OPCML: variants seen among roughly 807,000 people sequenced by gnomAD.
The protein encoded by OPCML is opioid-binding protein/cell adhesion molecule.
A neutral mutation model predicts 37.8 loss-of-function variants in OPCML; 13 were observed. The observed-to-expected ratio is 0.34, with a 90% CI of 0.22 to 0.55. The LOEUF (loss-of-function observed/expected upper bound fraction) is 0.55. OPCML is among the 20% of genes least tolerant of loss of function. The pLI is 0.91. For synonymous variants in OPCML, 176 were observed against 168.8 expected (o/e 1.04, Z -0.33); for missense variants, 341 against 435.6 (o/e 0.78, Z 1.93).
At chr11:132,819,837 G>T (rs775322089) in intron 2 of OPCML, among the ~76,000 whole-genome samples, 1 of 152,078 alleles carries the variant, frequency 6.6e-6, no homozygotes, top group East Asian at 1.9e-4. Flanking sequence ...CAAACAGCTC[G>T]CTAAAAAACA....
chr11:132,711,486 A>G (rs566442660), intron 2 of OPCML, among the ~76,000 whole-genome samples: 19 of 152,316 alleles, frequency 1.2e-4, no homozygotes, highest in African/African-American at 4.1e-4. Flanking sequence ...TTTGATTCTC[A>G]CACTTGCCCC....
chr11:133,146,808 C>T (rs984305816), intron 1 of OPCML, among the ~76,000 whole-genome samples: 1 of 152,198 alleles, frequency 6.6e-6, no homozygotes, highest in Non-Finnish European at 1.5e-5. Flanking sequence ...GGGAACTCCC[C>T]CCAGCACAGG....
intron 3 of OPCML, among the ~76,000 whole-genome samples, chr11:132,540,365 T>C (rs2096353159): frequency 6.6e-6 from 1 of 152,194 alleles, no homozygotes; most frequent in African/African-American, 2.4e-5. Context: ...ATCTGGTAGG[T>C]GCTCAATCAA....
At position 132,796,000 on chromosome 11, in the gene OPCML, T is replaced by C. The variant is rs563070127; in HGVS notation, c.147-138681A>G. Among the ~76,000 whole-genome samples the C allele has an allele frequency of 9.8e-5, 15 of 152,350 alleles. No individual in the cohort carries two copies. The South Asian group carries it at 2.7e-3, about 27-fold the overall frequency. ...CATGTACAGACTTATTTTCTTGTCA[T>C]AGGTCCCTAAACAATACAGTTTATA... On this transcript the variant is annotated intron_variant, in intron 2 of 7. Coordinates refer to ENST00000524381, the MANE Select transcript of OPCML (RefSeq NM_001012393.5).
chr11:132,790,157 C>T (rs1937799557), intron 2 of OPCML, among the ~76,000 whole-genome samples: 1 of 152,152 alleles, frequency 6.6e-6, no homozygotes, highest in African/African-American at 2.4e-5. Flanking sequence ...TTCGTTGCAG[C>T]ACTATCCACA....
chr11:133,112,285 C>CAAAA (rs370146450), intron 1 of OPCML, among the ~76,000 whole-genome samples: 1,616 of 48,912 alleles, frequency 0.033, 53 homozygotes, highest in Non-Finnish European at 0.044. Context: ...GACTCTTGGC[C>CAAAA]AAAAAAAAAA....
chr11:133,301,372 T>G (rs375749273), intron 1 of OPCML: 39 of 152,318 alleles, frequency 2.6e-4, no homozygotes, highest in African/African-American at 9.1e-4. Context: ...AAGGAATTAC[T>G]TTGGTGGCTG....
chr11:133,358,975 T>A (rs1182861080), intron 1 of OPCML, among the ~76,000 whole-genome samples: 1 of 151,170 alleles, frequency 6.6e-6, no homozygotes, highest in Non-Finnish European at 1.5e-5. Context: ...CCAGGGGTGA[T>A]AGGAGATGAG....
chr11:133,007,355 G>C, intron 1 of OPCML: 1 of 985,422 alleles, frequency 1.0e-6, no homozygotes, highest in Non-Finnish European at 1.2e-6. Flanking sequence ...TCCCTTATCT[G>C]TGTGATTAGC....
At position 132,977,331 on chromosome 11, in the gene OPCML, C is replaced by CCT. The variant is rs1292067059; in HGVS notation, c.62-34323_62-34322dup. 3.9e-5 allele frequency among the ~76,000 whole-genome samples: 6 copies of CCT among 152,042 alleles called. No individual in the cohort carries two copies. The East Asian group carries it at 9.7e-4, about 24-fold the overall frequency. On this transcript the variant is annotated intron_variant, in intron 1 of 7. Transcript: ENST00000524381. ...GCCCTGGGCTCCTAAGGAAGGTCTA[C>CCT]CTCTCTCTCTCTGCTGGATCTCTCA...
chr11:132,654,708 T>C (rs1234685296), intron 3 of OPCML, among the ~76,000 whole-genome samples: 3 of 149,876 alleles, frequency 2.0e-5, no homozygotes, highest in Admixed American at 1.3e-4. Context: ...CAAAAGAAGA[T>C]CTTCCCCAAG....
At chr11:132,505,905 C>A (rs1457262710) in intron 4 of OPCML, among the ~76,000 whole-genome samples, 3 of 149,832 alleles carry the variant, frequency 2.0e-5, no homozygotes, top group East Asian at 1.9e-4. Context: ...AAAAAAAAAT[C>A]TATGTGTGTG....
In OPCML at chr11:133,117,918, A is replaced by C. The variant is rs1949361140; in HGVS notation, c.62-174908T>G. On this transcript the variant is annotated intron_variant, in intron 1 of 7. Transcript: ENST00000524381. ...TGAAGTCTTCAAATAATATTCAAAA[A>C]GATGTTTCCAGAAGGGAATGGGGGC... is the stretch of plus-strand genomic sequence containing the variant. 8 of 985,372 alleles carry C rather than the reference A, an allele frequency of 8.1e-6. No individual in the cohort carries two copies. In the South Asian group the frequency reaches 3.8e-4, roughly 46 times the overall value. 61.0% of individuals were successfully genotyped at this position (985,372 alleles called of 1,614,324 possible).
At chr11:132,716,545 T>G (rs898874164) in intron 2 of OPCML, among the ~76,000 whole-genome samples, 4 of 152,226 alleles carry the variant, frequency 2.6e-5, no homozygotes, top group African/African-American at 4.8e-5. Flanking sequence ...AAGGATTATA[T>G]GTGAATAAAA....
intron 1 of OPCML, among the ~76,000 whole-genome samples, chr11:132,964,636 T>C (rs1294206696): frequency 2.0e-5 from 3 of 152,108 alleles, no homozygotes; most frequent in African/African-American, 7.2e-5. Flanking sequence ...ATCCTACCGC[T>C]TCCTCCTGCC....
intron 3 of OPCML, among the ~76,000 whole-genome samples, chr11:132,545,361 G>T (rs1218357897): frequency 6.6e-6 from 1 of 152,178 alleles, no homozygotes; most frequent in African/African-American, 2.4e-5. Context: ...TGACAGGTTT[G>T]ATGGAGAACA....
chr11:133,135,844 G>A (rs1313169452), intron 1 of OPCML, among the ~76,000 whole-genome samples: 1 of 152,088 alleles, frequency 6.6e-6, no homozygotes. Context: ...ATTTTATTTA[G>A]GAAAGGACAT....
chr11:132,640,648 T>C (rs1007654753), intron 3 of OPCML, among the ~76,000 whole-genome samples: 2 of 152,210 alleles, frequency 1.3e-5, no homozygotes, highest in Non-Finnish European at 2.9e-5. Flanking sequence ...AGGGAAAGAC[T>C]TTGTTCCCAT....
intron 1 of OPCML, among the ~76,000 whole-genome samples, chr11:133,307,936 C>CT (rs558234926): frequency 2.9e-4 from 43 of 150,666 alleles, no homozygotes; most frequent in Non-Finnish European, 4.7e-4. Context: ...AGTTGTATAC[C>CT]TTTTTTTTTA....
Sources: allele counts gnomAD v4.1 joint callset (sites outside exome capture counted in the v4.1 genomes callset), GRCh38; gene constraint gnomAD v4.1.1; transcripts MANE v1.5; gene names NCBI Gene and HGNC (gene_info 2026-07-23, HGNC 2026-07-21).